PTPRT: variants seen among roughly 807,000 people sequenced by gnomAD.
PTPRT encodes receptor-type tyrosine-protein phosphatase T.
A neutral mutation model predicts 176.8 loss-of-function variants in PTPRT; 56 were observed. The observed-to-expected ratio is 0.32, with a 90% CI of 0.26 to 0.40. The LOEUF is 0.40. Among genes scored for constraint, PTPRT ranks in the 10% least tolerant of loss-of-function variants. The pLI, the probability that PTPRT is intolerant of heterozygous loss-of-function variation, is 1.00. For synonymous variants in PTPRT, 783 were observed against 739.0 expected (o/e 1.06, Z -0.96); for missense variants, 1,540 against 1,908.2 (o/e 0.81, Z 3.60).
At chr20:43,110,885 C>G (rs1056096071) in intron 1 of PTPRT, among the ~76,000 whole-genome samples, 2 of 152,176 alleles carry the variant, frequency 1.3e-5, no homozygotes, top group African/African-American at 2.4e-5. Flanking sequence ...CTGACCTCCA[C>G]TCTTATGCTA....
chr20:43,187,382 G>A (rs1469324209), intron 1 of PTPRT, among the ~76,000 whole-genome samples: 3 of 151,960 alleles, frequency 2.0e-5, no homozygotes, highest in Admixed American at 6.6e-5. Flanking sequence ...AACAATTTCT[G>A]AATTTAGGAA....
intron 1 of PTPRT, among the ~76,000 whole-genome samples, chr20:43,128,774 A>T (rs1011383120): frequency 6.6e-6 from 1 of 152,278 alleles, no homozygotes; most frequent in Non-Finnish European, 1.5e-5. Context: ...GCAGGCTACC[A>T]GCTGTTAGCC....
intron 12 of PTPRT, among the ~76,000 whole-genome samples, chr20:42,298,645 G>T (rs974683080): frequency 6.6e-6 from 1 of 152,140 alleles, no homozygotes; most frequent in African/African-American, 2.4e-5. Context: ...GTACTGTGCC[G>T]GGCGCGGTGG....
chr20:42,192,912 G>A (rs1991056016), intron 16 of PTPRT, among the ~76,000 whole-genome samples: 1 of 152,114 alleles, frequency 6.6e-6, no homozygotes, highest in Admixed American at 6.5e-5. Context: ...ACATCCACTT[G>A]GCAGCTGCCT....
At chr20:42,755,985 A>C (rs2076825996) in intron 6 of PTPRT, among the ~76,000 whole-genome samples, 1 of 152,224 alleles carries the variant, frequency 6.6e-6, no homozygotes, top group South Asian at 2.1e-4. Flanking sequence ...AAGAACAAGA[A>C]AATTGAAAAG....
chr20:42,914,118 T>C (rs1219503834), intron 1 of PTPRT, among the ~76,000 whole-genome samples: 2 of 152,212 alleles, frequency 1.3e-5, no homozygotes, highest in African/African-American at 4.8e-5. Flanking sequence ...TTGTCCTCTA[T>C]AGTCCCTTGA....
At chr20:43,040,370 C>G (rs1487627835) in intron 1 of PTPRT, among the ~76,000 whole-genome samples, 2 of 152,200 alleles carry the variant, frequency 1.3e-5, no homozygotes, top group Non-Finnish European at 1.5e-5. Context: ...ATATAACTCA[C>G]ACAGCCAATA....
chr20:42,519,859 C>T (rs759049945), intron 7 of PTPRT, among the ~76,000 whole-genome samples: 59 of 152,204 alleles, frequency 3.9e-4, no homozygotes, highest in Non-Finnish European at 6.9e-4. Flanking sequence ...AAATCTCCCA[C>T]TATGATGTGT....
intron 6 of PTPRT, among the ~76,000 whole-genome samples, chr20:42,682,351 C>T (rs2075617765): frequency 6.6e-6 from 1 of 152,150 alleles, no homozygotes; most frequent in Non-Finnish European, 1.5e-5. Context: ...TGAAAGGGAA[C>T]CTCAGAAAAT....
chr20:42,603,371 A>G (rs1341195364), intron 7 of PTPRT, among the ~76,000 whole-genome samples: 1 of 152,142 alleles, frequency 6.6e-6, no homozygotes, highest in African/African-American at 2.4e-5. Flanking sequence ...GGTGGGGTGG[A>G]GAGGGGACAA....
chr20:42,896,214 C>G (rs370907440), intron 1 of PTPRT, among the ~76,000 whole-genome samples: 3 of 152,172 alleles, frequency 2.0e-5, no homozygotes, highest in African/African-American at 7.2e-5. Context: ...TGAGCCAAGA[C>G]TCCAATCATG....
intron 7 of PTPRT, among the ~76,000 whole-genome samples, chr20:42,673,213 T>A (rs1374772264): frequency 6.6e-6 from 1 of 152,094 alleles, no homozygotes; most frequent in Non-Finnish European, 1.5e-5. Flanking sequence ...CTATTCTGAG[T>A]CTCAGTTTTC....
At chr20:42,736,275 G>A (rs1368733549) in intron 6 of PTPRT, among the ~76,000 whole-genome samples, 1 of 152,070 alleles carries the variant, frequency 6.6e-6, no homozygotes, top group Non-Finnish European at 1.5e-5. Context: ...CAAAGGAAAG[G>A]AGCAGCATGT....
intron 7 of PTPRT, among the ~76,000 whole-genome samples, chr20:42,579,233 T>C (rs1438834493): frequency 6.6e-6 from 1 of 152,092 alleles, no homozygotes; most frequent in Non-Finnish European, 1.5e-5. Flanking sequence ...ACAAAGGACA[T>C]GAACTCATCA....
At chr20:42,539,707 A>C (rs958521687) in intron 7 of PTPRT, among the ~76,000 whole-genome samples, 1 of 152,112 alleles carries the variant, frequency 6.6e-6, no homozygotes, top group Non-Finnish European at 1.5e-5. Flanking sequence ...GAGATAACAG[A>C]CCATATTGCA....
chr20:42,443,013 C>T (rs559336032), intron 9 of PTPRT, among the ~76,000 whole-genome samples: 3 of 152,314 alleles, frequency 2.0e-5, no homozygotes, highest in East Asian at 3.9e-4. Flanking sequence ...ATGCCTTAAT[C>T]AAACCCAAAA....
chr20:42,391,007 G>T (rs567163930), intron 9 of PTPRT, among the ~76,000 whole-genome samples: 6 of 152,144 alleles, frequency 3.9e-5, no homozygotes, highest in African/African-American at 1.2e-4. Flanking sequence ...TCTTTTCATT[G>T]CTTTTAAAAT....
chr20:42,199,457 A>C, intron 15 of PTPRT, 69 bp from the exon 16 acceptor site: 1 of 1,521,444 alleles, frequency 6.6e-7, no homozygotes, highest in Non-Finnish European at 8.9e-7. Context: ...CATTGGGTAG[A>C]TTGTTCTTCC....
At chr20:42,664,637 A>T (rs961983748) in intron 7 of PTPRT, among the ~76,000 whole-genome samples, 1 of 152,104 alleles carries the variant, frequency 6.6e-6, no homozygotes, top group Non-Finnish European at 1.5e-5. Flanking sequence ...ATTCATATAA[A>T]TTTTTTATTT....
Sources: allele counts gnomAD v4.1 joint callset (sites outside exome capture counted in the v4.1 genomes callset), GRCh38; gene constraint gnomAD v4.1.1; transcripts MANE v1.5; gene names NCBI Gene and HGNC (gene_info 2026-07-23, HGNC 2026-07-21).